Variants in HSF2 observed in about 807,000 individuals in gnomAD.
HSF2 encodes the protein heat shock factor protein 2.
In HSF2, 21 loss-of-function variants were observed where a neutral mutation model predicts 65.0. That is an observed-to-expected ratio of 0.32 (90% CI 0.23 to 0.47). The LOEUF (loss-of-function observed/expected upper bound fraction) is 0.47. HSF2 is among the 20% of genes least tolerant of loss of function. HSF2 has a pLI of 1.00. For synonymous variants in HSF2, 225 were observed against 219.1 expected, an observed-to-expected ratio of 1.03 and a Z score of -0.24; for missense variants, 499 against 628.1, an observed-to-expected ratio of 0.79 and a Z score of 2.20.
chr6:122,411,103 C>G (rs1230913067), intron 1 of HSF2, among the ~76,000 whole-genome samples: 3 of 151,790 alleles, frequency 2.0e-5, no homozygotes, highest in African/African-American at 7.2e-5. Context: ...AATTTCTCCA[C>G]TTCCTTGTGA....
intron 5 of HSF2, among the ~76,000 whole-genome samples, chr6:122,416,545 CT>C (rs1296427492): frequency 6.6e-6 from 1 of 152,160 alleles, no homozygotes; most frequent in African/African-American, 2.4e-5. Flanking sequence ...AGTAAATGAT[CT>C]TTTGCCTAAT....
chr6:122,424,784 C>T (rs898602941), intron 10 of HSF2, among the ~76,000 whole-genome samples: 2 of 151,958 alleles, frequency 1.3e-5, no homozygotes, highest in African/African-American at 4.8e-5. Context: ...ATCCAGAGAC[C>T]TTTCAAAATA....
chr6:122,422,663 A>G (rs1367943853), intron 8 of HSF2, 55 bp from the exon 9 acceptor site: 1 of 1,575,744 alleles, frequency 6.3e-7, no homozygotes, highest in Non-Finnish European at 8.7e-7. Flanking sequence ...AATGGATAGT[A>G]TGAACTTATT....
chr6:122,415,761 C>T (rs573801987), intron 4 of HSF2, among the ~76,000 whole-genome samples: 30 of 152,108 alleles, frequency 2.0e-4, no homozygotes, highest in African/African-American at 7.2e-4. Flanking sequence ...TGCCTGTAAT[C>T]GCAGCACTTT....
intron 1 of HSF2, 36 bp from the exon 2 acceptor site, chr6:122,412,337 C>A: frequency 8.1e-7 from 1 of 1,240,532 alleles, no homozygotes; most frequent in Non-Finnish European, 1.2e-6. Context: ...AGGAACTTAA[C>A]TAATTTACTT....
chr6:122,399,709 G>C lies in HSF2; in HGVS notation c.-29G>C. On this transcript the variant is annotated 5_prime_UTR_variant, in exon 1 of 13. Coordinates refer to ENST00000368455, the MANE Select transcript of HSF2 (RefSeq NM_004506.4). ...GCCGCTACCACCGCGTTCGGGTGTA[G>C]AATTTGGAATCCCTGCGCCGCGTTA... 6.3e-7 allele frequency: 1 copy of C among 1,598,864 alleles called. No homozygotes were observed. Among genetic ancestry groups the C allele is most frequent in the Admixed American group, 1.7e-5 (1 of 59,260 alleles).
intron 1 of HSF2, among the ~76,000 whole-genome samples, chr6:122,405,178 G>A (rs1478321495): frequency 2.0e-5 from 3 of 151,494 alleles, no homozygotes; most frequent in Non-Finnish European, 4.4e-5. Context: ...CTGGGTACTG[G>A]GGAGGCTGAG....
intron 1 of HSF2, among the ~76,000 whole-genome samples, chr6:122,405,665 T>C (rs1773853873): frequency 6.6e-6 from 1 of 152,142 alleles, no homozygotes; most frequent in Non-Finnish European, 1.5e-5. Flanking sequence ...GCCCTCTAGG[T>C]CACGGGTTGG....
intron 1 of HSF2, among the ~76,000 whole-genome samples, chr6:122,403,379 G>T (rs148001385): frequency 6.6e-6 from 1 of 152,158 alleles, no homozygotes; most frequent in Non-Finnish European, 1.5e-5. Flanking sequence ...GCCAAGATGG[G>T]CAGGTTGCTT....
At chr6:122,411,440 T>C (rs894243543) in intron 1 of HSF2, among the ~76,000 whole-genome samples, 1 of 151,932 alleles carries the variant, frequency 6.6e-6, no homozygotes, top group African/African-American at 2.4e-5. Flanking sequence ...TGGTAGTCTT[T>C]AGATTTGATG....
intron 4 of HSF2, among the ~76,000 whole-genome samples, chr6:122,414,861 C>T (rs531949549): frequency 4.6e-5 from 7 of 152,296 alleles, no homozygotes; most frequent in African/African-American, 1.7e-4. Flanking sequence ...AAGTGATCCG[C>T]CCACATCGGC....
At position 122,401,194 on chromosome 6, in the gene HSF2, T is replaced by G. The variant is rs1234068505; in HGVS notation, c.93+1364T>G. 2.6e-5 allele frequency among the ~76,000 whole-genome samples: 4 copies of G among 152,326 alleles called. No homozygotes were observed. In the East Asian group the frequency reaches 7.7e-4, roughly 29 times the overall value. ...GTGAGTGTTTCTATTAAGCATTTAA[T>G]GAATTCTGTACAATTGTACAAAGCT... On this transcript the variant is annotated intron_variant, in intron 1 of 12. Transcript: ENST00000368455.
intron 1 of HSF2, 61 bp downstream of exon 1, chr6:122,399,891 C>T (rs1198877940): frequency 7.8e-7 from 1 of 1,283,096 alleles, no homozygotes; most frequent in Non-Finnish European, 1.1e-6. Flanking sequence ...ACTCGCTCTC[C>T]TGCGGGGTGG....
chr6:122,410,584 G>A (rs767207262), intron 1 of HSF2, among the ~76,000 whole-genome samples: 11 of 151,498 alleles, frequency 7.3e-5, no homozygotes, highest in Non-Finnish European at 1.2e-4. Context: ...CTTCCTCCCC[G>A]CAGCCCCTGA....
chr6:122,417,018 C>T (rs1010437556), intron 5 of HSF2, among the ~76,000 whole-genome samples: 11 of 152,184 alleles, frequency 7.2e-5, no homozygotes, highest in Non-Finnish European at 1.0e-4. Context: ...CTTCTGATTG[C>T]TCCTGCTTAG....
intron 7 of HSF2, 32 bp from the exon 8 acceptor site, chr6:122,422,118 T>C (rs1209307942): frequency 6.1e-6 from 9 of 1,483,854 alleles, no homozygotes; most frequent in Non-Finnish European, 8.3e-6. Context: ...TGATTTTGAT[T>C]TTTAGATATA....
At chr6:122,406,092 C>T (rs1365445377) in intron 1 of HSF2, among the ~76,000 whole-genome samples, 2 of 152,028 alleles carry the variant, frequency 1.3e-5, no homozygotes, top group African/African-American at 2.4e-5. Context: ...CTCTTTTATC[C>T]CCTGCTGACA....
chr6:122,403,685 A>T (rs1194920193), intron 1 of HSF2, among the ~76,000 whole-genome samples: 1 of 152,196 alleles, frequency 6.6e-6, no homozygotes, highest in Admixed American at 6.5e-5. Flanking sequence ...CTTCTGAAAA[A>T]CAAAAATGAA....
At chr6:122,429,529 C>A (rs1450441922) in intron 11 of HSF2, among the ~76,000 whole-genome samples, 1 of 152,044 alleles carries the variant, frequency 6.6e-6, no homozygotes, top group South Asian at 2.1e-4. Context: ...ACAACACTTT[C>A]CTAATAAATC....
Sources: gnomAD v4.1 joint callset for allele counts (sites outside exome capture counted in the v4.1 genomes callset) on GRCh38, gnomAD v4.1.1 for gene constraint, MANE v1.5 for transcripts, NCBI Gene and HGNC (gene_info 2026-07-23, HGNC 2026-07-21) for gene names.